FBXL17: variants seen among roughly 807,000 people sequenced by gnomAD.
The protein encoded by FBXL17 is F-box and leucine rich repeat protein 17.
A neutral mutation model predicts 66.2 loss-of-function variants in FBXL17; 22 were observed. That is an observed-to-expected ratio of 0.33 (90% CI 0.24 to 0.47). FBXL17 has a LOEUF of 0.47. Among genes scored for constraint, FBXL17 ranks in the 20% least tolerant of loss-of-function variants. FBXL17 has a pLI of 1.00. For missense variants in FBXL17, 878 were observed against 948.2 expected (o/e 0.93, Z 0.97); for synonymous variants, 474 against 400.5 (o/e 1.18, Z -2.19).
chr5:108,177,894 G>T (rs1752849485), intron 6 of FBXL17, among the ~76,000 whole-genome samples: 1 of 65,774 alleles, frequency 1.5e-5, no homozygotes, highest in Non-Finnish European at 3.2e-5. Flanking sequence ...TATTATCCTT[G>T]CTCCAGAAAA....
chr5:107,962,037 A>G (rs554564440), intron 7 of FBXL17, among the ~76,000 whole-genome samples: 55 of 152,270 alleles, frequency 3.6e-4, no homozygotes, highest in Admixed American at 2.8e-3. Flanking sequence ...TTCACTATAG[A>G]TCTGTTAAAT....
intron 6 of FBXL17, among the ~76,000 whole-genome samples, chr5:108,176,119 T>C (rs1752786022): frequency 6.6e-6 from 1 of 152,186 alleles, no homozygotes; most frequent in African/African-American, 2.4e-5. Flanking sequence ...TTTTCATCAA[T>C]AAATGAAGAT....
chr5:107,995,272 A>C (rs914024076), intron 7 of FBXL17, among the ~76,000 whole-genome samples: 1 of 152,272 alleles, frequency 6.6e-6, no homozygotes, highest in Non-Finnish European at 1.5e-5. Flanking sequence ...TATAAAATAC[A>C]GAAATGATTC....
chr5:108,281,797 A>C (rs138636361), intron 4 of FBXL17, among the ~76,000 whole-genome samples: 14 of 151,944 alleles, frequency 9.2e-5, no homozygotes, highest in African/African-American at 3.1e-4. Context: ...CAGACTATTC[A>C]AAGAAGAAAG....
intron 7 of FBXL17, among the ~76,000 whole-genome samples, chr5:107,906,368 C>T (rs1561525228): frequency 2.0e-5 from 3 of 151,814 alleles, no homozygotes; most frequent in Admixed American, 2.0e-4. Context: ...AATATAGCAC[C>T]CACTGTTATG....
chr5:107,880,173 TC>T, intron 8 of FBXL17: 1 of 205,846 alleles, frequency 4.9e-6, no homozygotes, highest in South Asian at 1.7e-4. Flanking sequence ...GCTCAGGTGA[TC>T]CTCCCACCTT....
chr5:108,137,718 A>C (rs2149982685), intron 6 of FBXL17, among the ~76,000 whole-genome samples: 1 of 152,220 alleles, frequency 6.6e-6, no homozygotes, highest in South Asian at 2.1e-4. Context: ...TCTTAGTAGC[A>C]CCCTTCTTCC....
At chr5:108,038,790 A>G (rs1263953780) in intron 6 of FBXL17, among the ~76,000 whole-genome samples, 1 of 152,084 alleles carries the variant, frequency 6.6e-6, no homozygotes, top group East Asian at 1.9e-4. Context: ...AGAGAATGTA[A>G]AAGTTGGTAA....
At chr5:107,877,155 G>T (rs1235934292) in intron 8 of FBXL17, among the ~76,000 whole-genome samples, 1 of 152,166 alleles carries the variant, frequency 6.6e-6, no homozygotes, top group East Asian at 1.9e-4. Flanking sequence ...TATCCATCCA[G>T]GAATCAGAAA....
chr5:108,277,426 C>T (rs1369348941), intron 4 of FBXL17, among the ~76,000 whole-genome samples: 1 of 151,844 alleles, frequency 6.6e-6, no homozygotes, highest in African/African-American at 2.4e-5. Flanking sequence ...CAAGAAACTA[C>T]TGAAAAAATT....
intron 6 of FBXL17, among the ~76,000 whole-genome samples, chr5:108,160,667 C>G (rs1034900374): frequency 6.6e-6 from 1 of 152,044 alleles, no homozygotes; most frequent in Non-Finnish European, 1.5e-5. Context: ...AAAACTAGAC[C>G]TAAAAACAGG....
intron 7 of FBXL17, among the ~76,000 whole-genome samples, chr5:107,897,174 AG>A (rs1421030639): frequency 6.6e-6 from 1 of 152,168 alleles, no homozygotes. Flanking sequence ...AAATCATACC[AG>A]AGAAAGGATA....
intron 7 of FBXL17, among the ~76,000 whole-genome samples, chr5:107,926,112 C>A (rs956032165): frequency 2.6e-5 from 4 of 152,148 alleles, no homozygotes; most frequent in Non-Finnish European, 1.5e-5. Context: ...TTATTTAGTT[C>A]ATTGCTAAGC....
intron 6 of FBXL17, among the ~76,000 whole-genome samples, chr5:108,083,244 CACACACAGAGAG>C (rs1484845467): frequency 7.2e-6 from 1 of 139,234 alleles, no homozygotes; most frequent in Non-Finnish European, 1.5e-5. Flanking sequence ...CACACACACA[CACACACAGAGAG>C]AGAGATAGAC....
At chr5:108,250,452 G>A (rs2150112444) in intron 4 of FBXL17, among the ~76,000 whole-genome samples, 1 of 152,110 alleles carries the variant, frequency 6.6e-6, no homozygotes, top group Middle Eastern at 3.4e-3. Flanking sequence ...CATTTTGAAG[G>A]ATGTTTTTTA....
chr5:108,042,249 G>C (rs1316865757), intron 6 of FBXL17, among the ~76,000 whole-genome samples: 1 of 152,130 alleles, frequency 6.6e-6, no homozygotes, highest in Admixed American at 6.5e-5. Flanking sequence ...ACATGTAGTT[G>C]AAAGACGTAG....
intron 7 of FBXL17, among the ~76,000 whole-genome samples, chr5:107,916,124 C>T (rs994984393): frequency 6.6e-6 from 1 of 152,162 alleles, no homozygotes; most frequent in Non-Finnish European, 1.5e-5. Flanking sequence ...AGGCAGTGTA[C>T]ATGGTGCAGT....
rs1025203803 is a variant in FBXL17 at position 108,125,099 on chromosome 5, C to T, written c.1745+61018G>A. ...CTTGTTATCTAGGTACCAGAAACTA[C>T]AAAATTCTGTATTTTATTAAAAAAA... is the stretch of plus-strand genomic sequence containing the variant. On this transcript the variant is annotated intron_variant, in intron 6 of 8. Coordinates refer to ENST00000542267, the MANE Select transcript of FBXL17 (RefSeq NM_001163315.3). 3.0e-4 allele frequency among the ~76,000 whole-genome samples: 46 copies of T among 151,678 alleles called. 1 individual carries two copies. The highest frequency in any genetic ancestry group is 3.8e-4 in the Non-Finnish European group (26 of 67,848).
At chr5:107,989,324 C>T (rs1288364305) in intron 7 of FBXL17, among the ~76,000 whole-genome samples, 1 of 152,088 alleles carries the variant, frequency 6.6e-6, no homozygotes, top group Admixed American at 6.6e-5. Flanking sequence ...GACCACCATT[C>T]TACTCTACCT....
Sources: allele counts gnomAD v4.1 joint callset (sites outside exome capture counted in the v4.1 genomes callset), GRCh38; gene constraint gnomAD v4.1.1; transcripts MANE v1.5; gene names NCBI Gene and HGNC (gene_info 2026-07-23, HGNC 2026-07-21).